The following DNAH5 variants were observed in gnomAD, a reference collection of about 807,000 sequenced individuals.
The protein encoded by DNAH5 is dynein axonemal heavy chain 5, also known as axonemal beta dynein heavy chain 5.
DNAH5 carries 372 observed loss-of-function variants against 518.2 expected under a neutral mutation model. That is an observed-to-expected ratio of 0.72 (90% CI 0.66 to 0.78). DNAH5 has a LOEUF of 0.78. Ranked by LOEUF, DNAH5 falls within the 30% of genes least tolerant of loss-of-function variation. DNAH5 has a pLI of 0.00. For missense variants in DNAH5, 5,523 were observed against 5,687.0 expected (o/e 0.97, Z 0.93); for synonymous variants, 2,039 against 2,025.9 (o/e 1.01, Z -0.17).
At chr5:14,003,825 G>T (rs946631275) in intron 1 of DNAH5, among the ~76,000 whole-genome samples, 1 of 152,212 alleles carries the variant, frequency 6.6e-6, no homozygotes, top group Non-Finnish European at 1.5e-5. Flanking sequence ...CCACCCTGCT[G>T]GGAGCAGGCC....
chr5:13,751,227 C>G lies in DNAH5; in HGVS notation c.11062G>C (p.Asp3688His), dbSNP rs772478364. ...KVGDKEVDVL[D>H]GFRLYITTKL... ...GTGGTAATGTAGAGTCTAAAGCCAT[C>G]CAACACATCTACTTCCTTGTCACCA... The change falls in exon 65 of 79, where the codon GAT becomes CAT. Residue 3688 changes from aspartate to histidine, a missense_variant. Physicochemically the swap from Asp to His is moderately conservative, Grantham distance 81 (BLOSUM62 -1). Transcript: ENST00000265104. The G allele has an allele frequency of 6.2e-7, 1 of 1,613,770 alleles. No individual in the cohort carries two copies. Among genetic ancestry groups the G allele is most frequent in the Non-Finnish European group, 8.5e-7 (1 of 1,179,884 alleles).
intron 1 of DNAH5, among the ~76,000 whole-genome samples, chr5:14,010,279 T>C (rs1785022120): frequency 6.6e-6 from 1 of 152,170 alleles, no homozygotes; most frequent in African/African-American, 2.4e-5. Flanking sequence ...ATAAGAGATA[T>C]TTGATAATTT....
intron 64 of DNAH5, 24 bp downstream of exon 64, chr5:13,752,110 T>C (rs1580060691): frequency 6.2e-7 from 1 of 1,613,018 alleles, no homozygotes; most frequent in East Asian, 2.2e-5. Context: ...GTTCTGCACA[T>C]TGTCATCCAT....
chr5:13,850,799 GA>G lies in DNAH5; in HGVS notation c.4966del (p.Ser1656LeufsTer3), dbSNP rs772381070. 11 of 1,614,170 alleles carry G rather than the reference GA, an allele frequency of 6.8e-6. No individual in the cohort carries two copies. Among genetic ancestry groups the G allele is most frequent in the Non-Finnish European group, 9.3e-6 (11 of 1,180,016 alleles). On this transcript the variant is annotated frameshift_variant, in exon 31 of 79. Coordinates refer to ENST00000265104, the MANE Select transcript of DNAH5 (RefSeq NM_001369.3). LOFTEE classifies it high-confidence loss of function. ...CTTCACCCAAGATTTATCTATGTTA[GA>G]AAACCGCTTGGCTTCCTATGAGAAC... ...KQLPKEAKRF[S>X]NIDKSWVKIM...
At chr5:13,719,804 C>T (rs769573282) in intron 71 of DNAH5, among the ~76,000 whole-genome samples, 52 of 152,146 alleles carry the variant, frequency 3.4e-4, no homozygotes, top group Non-Finnish European at 6.8e-4. Context: ...ACTGAGCATA[C>T]ACCCTTTAGC....
At chr5:13,876,611 T>C in intron 22 of DNAH5, 73 bp downstream of exon 22, 1 of 1,575,624 alleles carries the variant, frequency 6.3e-7, no homozygotes, top group Non-Finnish European at 8.6e-7. Flanking sequence ...AAAGGACAAC[T>C]TTGTGATGTT....
At chr5:13,918,791 G>C (rs1289158104) in intron 7 of DNAH5, among the ~76,000 whole-genome samples, 1 of 152,188 alleles carries the variant, frequency 6.6e-6, no homozygotes, top group African/African-American at 2.4e-5. Context: ...AAGCTGCTAA[G>C]TTTGGAGGTT....
chr5:13,876,368 G>A (rs1202527461), intron 22 of DNAH5, among the ~76,000 whole-genome samples: 1 of 152,098 alleles, frequency 6.6e-6, no homozygotes, highest in South Asian at 2.1e-4. Context: ...GTTCTTTGAA[G>A]GTGAATTATA....
intron 12 of DNAH5, among the ~76,000 whole-genome samples, chr5:13,904,591 AAG>A (rs1775061903): frequency 6.6e-6 from 1 of 151,644 alleles, no homozygotes; most frequent in African/African-American, 2.4e-5. Context: ...TGCTCTTTTA[AAG>A]AGATATGTTT....
intron 35 of DNAH5, among the ~76,000 whole-genome samples, chr5:13,835,610 A>T (rs1315904042): frequency 6.6e-6 from 1 of 152,130 alleles, no homozygotes; most frequent in African/African-American, 2.4e-5. Flanking sequence ...TTGGAGGGCC[A>T]GTTTTTTCGA....
chr5:13,853,288 T>C (rs892638409), intron 30 of DNAH5, among the ~76,000 whole-genome samples: 1 of 152,172 alleles, frequency 6.6e-6, no homozygotes, highest in African/African-American at 2.4e-5. Flanking sequence ...GCCTGTCTGT[T>C]AGAGGAACAC....
At chr5:13,759,103 G>T in intron 60 of DNAH5, 120 bp from the exon 61 acceptor site, 1 of 1,348,704 alleles carries the variant, frequency 7.4e-7, no homozygotes, top group Non-Finnish European at 1.0e-6. Context: ...TCCCGCTCCA[G>T]AATCCTTTCA....
At chr5:13,789,048 G>T in intron 50 of DNAH5, 134 bp from the exon 51 acceptor site, 1 of 742,666 alleles carries the variant, frequency 1.3e-6, no homozygotes, top group Non-Finnish European at 2.2e-6. Context: ...GTTCAAATAT[G>T]CTCAACTTCA....
At chr5:13,897,162 C>T (rs757944440) in intron 15 of DNAH5, among the ~76,000 whole-genome samples, 5 of 152,222 alleles carry the variant, frequency 3.3e-5, no homozygotes, top group Admixed American at 1.3e-4. Context: ...ATAATCCTTT[C>T]CTCATATAAT....
chr5:13,810,277 C>A lies in DNAH5; in HGVS notation c.7408-17G>T, dbSNP rs1446765769. 1 of 1,548,136 alleles carries A rather than the reference C, an allele frequency of 6.5e-7. No individual in the cohort carries two copies. Among genetic ancestry groups the A allele is most frequent in the East Asian group, 2.4e-5 (1 of 40,898 alleles). ...GCCTTGCTCCTGAGAAGGAAAGACA[C>A]TTTTTTTTAATAACTTGATTCTGAA... On this transcript the variant is annotated splice_polypyrimidine_tract_variant and intron_variant, in intron 44 of 78. Transcript: ENST00000265104.
rs1561055316 is a variant in DNAH5 at position 13,991,580 on chromosome 5, GGAGGAGGAGGGGGAA to G, written c.12+20053_12+20067del. Among the ~76,000 whole-genome samples, 4 of 144,254 alleles carry G rather than the reference GGAGGAGGAGGGGGAA, an allele frequency of 2.8e-5. No individual in the cohort carries two copies. In the South Asian group the frequency reaches 8.7e-4, roughly 31 times the overall value. 94.6% of individuals were successfully genotyped at this position (144,254 alleles called of 152,430 possible). A position where few individuals can be genotyped will look rare whatever the true frequency, so the allele number is the denominator to read the frequency against. On this transcript the variant is annotated intron_variant, in intron 1 of 78. Transcript: ENST00000681290. The stretch of plus-strand genomic sequence containing the variant: ...AGGAGGAGGAGGAAGAGGAGAAAGA[GGAGGAGGAGGGGGAA>G]GAGGAGGAGGAAGGGGAGAGGGAGA...
chr5:13,921,002 A>T (rs1022411021), intron 5 of DNAH5, among the ~76,000 whole-genome samples: 4 of 152,204 alleles, frequency 2.6e-5, no homozygotes, highest in African/African-American at 9.6e-5. Context: ...AGTAGTAAAA[A>T]TGTTTGCTTT....
rs1491249915 is a variant in DNAH5, at chr5:13,921,460, T to TCTCTCTC, written c.660+646_660+647insGAGAGAG. ...TGTCTCTCTCTCTCTCTCTCTCTCT[T>TCTCTCTC]GCTCTATCTCTCTCTCACACACACA... On this transcript the variant is annotated intron_variant, in intron 5 of 78. Transcript: ENST00000265104. Among the ~76,000 whole-genome samples, 7 of 51,468 alleles carry TCTCTCTC rather than the reference T, an allele frequency of 1.4e-4. 1 individual carries two copies. The highest frequency in any genetic ancestry group is 4.9e-4 in the African/African-American group (7 of 14,304). The allele number at this position is 51,468 out of a possible 152,430, so 33.8% of individuals were successfully genotyped here.
At chr5:13,899,775 A>T (rs947263504) in intron 15 of DNAH5, 11 of 200,362 alleles carry the variant, frequency 5.5e-5, no homozygotes, top group Admixed American at 5.4e-4. Context: ...GACTGTTGAC[A>T]TAACTCTAAA....
Sources: gnomAD v4.1 joint callset for allele counts (sites outside exome capture counted in the v4.1 genomes callset) on GRCh38, gnomAD v4.1.1 for gene constraint, MANE v1.5 for transcripts, NCBI Gene and HGNC (gene_info 2026-07-23, HGNC 2026-07-21) for gene names.